The following TYW1B variants were observed in gnomAD, a reference collection of about 807,000 sequenced individuals.
The protein encoded by TYW1B is tRNA-yW synthesizing protein 1 homolog B, also known as S-adenosyl-L-methionine-dependent tRNA 4-demethylwyosine synthase TYW1B.
Under a neutral mutation model 86.9 loss-of-function variants are expected in TYW1B, and 73 were observed. The ratio of observed to expected loss-of-function variants is 0.84; its 90% CI spans 0.70 to 1.02. The LOEUF is 1.02. TYW1B is among the 50% of genes least tolerant of loss of function. The pLI is 0.00. For missense variants in TYW1B, 637 were observed against 827.4 expected, an observed-to-expected ratio of 0.77 and a Z score of 2.82; for synonymous variants, 248 against 292.8, an observed-to-expected ratio of 0.85 and a Z score of 1.56.
At chr7:72,606,753 C>G (rs1290269893) in intron 13 of TYW1B, among the ~76,000 whole-genome samples, 3 of 151,598 alleles carry the variant, frequency 2.0e-5, no homozygotes, top group Admixed American at 6.6e-5. Context: ...AACAAGGCAC[C>G]CTTCCTACAG....
intron 11 of TYW1B, among the ~76,000 whole-genome samples, chr7:72,660,963 A>C (rs1322656194): frequency 2.7e-5 from 4 of 150,842 alleles, no homozygotes; most frequent in Non-Finnish European, 4.4e-5. Flanking sequence ...ATGAAACCTC[A>C]TCTCTACTAA....
Position 72,788,225 on chromosome 7 carries a change from C to T in TYW1B, c.847-10692G>A, listed in dbSNP as rs147004583. On this transcript the variant is annotated intron_variant, in intron 6 of 13. Coordinates refer to ENST00000620995, the MANE Select transcript of TYW1B (RefSeq NM_001145440.3). ...CGATCTCCTGACCTCATGATCTGCC[C>T]ATCTCAGCCTCCCAAAGGATTGGGA... Among the ~76,000 whole-genome samples the T allele has an allele frequency of 1.3e-3, 198 of 152,072 alleles. 4 individuals carry two copies. In the East Asian group the frequency reaches 0.036, roughly 28 times the overall value.
At chr7:72,688,609 C>A (rs782010675) in intron 11 of TYW1B, among the ~76,000 whole-genome samples, 1 of 152,116 alleles carries the variant, frequency 6.6e-6, no homozygotes. Context: ...CTTTTGTTCC[C>A]GCAGGCTCCC....
chr7:72,768,834 C>T, intron 7 of TYW1B: 2 of 258,526 alleles, frequency 7.7e-6, no homozygotes, highest in South Asian at 1.0e-4. Flanking sequence ...GGATCCTGTG[C>T]CCTATATGAC....
chr7:72,644,648 G>A (rs3110839), intron 11 of TYW1B, among the ~76,000 whole-genome samples: 27,508 of 151,714 alleles, frequency 0.18, 3,008 homozygotes, highest in East Asian at 0.55. Context: ...GAACAGGGCA[G>A]GAAAGGATTC....
In TYW1B at chr7:72,707,552, T is replaced by C. The variant is rs180989274; in HGVS notation, c.1370+6069A>G. 1.2e-3 allele frequency among the ~76,000 whole-genome samples: 183 copies of C among 152,376 alleles called. 1 individual carries two copies. Among genetic ancestry groups the C allele is most frequent in the Non-Finnish European group, 2.1e-3 (140 of 68,024 alleles). Reference sequence around the variant, plus strand: ...CTAATCACCACCAGGCCTATTAACATGAAGTGTGTTACACATTCTTGTCAC... The same window carrying C: ...CTAATCACCACCAGGCCTATTAACACGAAGTGTGTTACACATTCTTGTCAC... On this transcript the variant is annotated intron_variant, in intron 10 of 13. Transcript: ENST00000620995.
intron 12 of TYW1B, among the ~76,000 whole-genome samples, chr7:72,621,356 T>C (rs1812210013): frequency 1.3e-5 from 2 of 152,194 alleles, no homozygotes; most frequent in African/African-American, 4.8e-5. Flanking sequence ...TAAAAATGCT[T>C]CAATAACTCC....
chr7:72,694,817 A>C lies in TYW1B; in HGVS notation c.1376T>G (p.Leu459Arg). The change falls in exon 11 of 14, where the codon CTC (leucine) becomes CGC (arginine). Residue 459 changes from leucine to arginine, a missense_variant. Coordinates refer to ENST00000620995, the MANE Select transcript of TYW1B (RefSeq NM_001145440.3). ...NAQFPAEIRN[L>R]EPVTQLYVSV... ...GACATACAGCTGAGTAACTGGCTCG[A>C]GGTTCCTTAGTAATTTTTTTTTTTA... is the stretch of plus-strand genomic sequence containing the variant. The C allele has an allele frequency of 1.9e-6, 3 of 1,581,218 alleles. No individual in the cohort carries two copies. The highest frequency in any genetic ancestry group is 2.6e-6 in the Non-Finnish European group (3 of 1,171,566).
intron 6 of TYW1B, among the ~76,000 whole-genome samples, chr7:72,801,471 T>C (rs1788402754): frequency 6.6e-6 from 1 of 152,192 alleles, no homozygotes; most frequent in African/African-American, 2.4e-5. Flanking sequence ...CATTGTGATA[T>C]CCTGCTAACC....
chr7:72,685,181 T>C (rs564730377), intron 11 of TYW1B, among the ~76,000 whole-genome samples: 25 of 150,660 alleles, frequency 1.7e-4, no homozygotes, highest in Middle Eastern at 3.5e-3. Context: ...GGAAGAAATA[T>C]AGTGTTCTTT....
At chr7:72,583,189 C>G (rs1554429843) in intron 13 of TYW1B, among the ~76,000 whole-genome samples, 1 of 152,048 alleles carries the variant, frequency 6.6e-6, no homozygotes, top group African/African-American at 2.4e-5. Flanking sequence ...AAGGTGAAAC[C>G]CCATCTCTAC....
chr7:72,679,248 A>G (rs1394685994), intron 11 of TYW1B, among the ~76,000 whole-genome samples: 2 of 152,228 alleles, frequency 1.3e-5, no homozygotes, highest in Non-Finnish European at 2.9e-5. Flanking sequence ...TTTAAGATGT[A>G]CATATCCTAT....
At chr7:72,731,540 T>C (rs1554459971) in intron 8 of TYW1B, among the ~76,000 whole-genome samples, 1 of 152,046 alleles carries the variant, frequency 6.6e-6, no homozygotes, top group Non-Finnish European at 1.5e-5. Context: ...GCTGAATGAA[T>C]TTAAAAAAAA....
chr7:72,705,572 T>C (rs1247400921), intron 10 of TYW1B, among the ~76,000 whole-genome samples: 2 of 152,180 alleles, frequency 1.3e-5, no homozygotes, highest in Non-Finnish European at 2.9e-5. Context: ...AAAAGAGCTA[T>C]GAGATTCTAA....
At chr7:72,737,867 T>G (rs1787225326) in intron 8 of TYW1B, among the ~76,000 whole-genome samples, 2 of 149,802 alleles carry the variant, frequency 1.3e-5, no homozygotes. Flanking sequence ...CTCCACCTCC[T>G]GGGTTCACAC....
intron 8 of TYW1B, among the ~76,000 whole-genome samples, chr7:72,742,816 A>T (rs182099210): frequency 2.6e-5 from 4 of 152,330 alleles, no homozygotes; most frequent in African/African-American, 9.6e-5. Context: ...AAAAAGAATT[A>T]TAACTCTTGT....
At chr7:72,725,909 C>T (rs1249531296) in intron 9 of TYW1B, among the ~76,000 whole-genome samples, 6 of 152,126 alleles carry the variant, frequency 3.9e-5, no homozygotes, top group Admixed American at 6.5e-5. Context: ...TACACATACA[C>T]GTACATACAC....
chr7:72,734,477 G>A lies in TYW1B; in HGVS notation c.1083-5546C>T, dbSNP rs114077212. On this transcript the variant is annotated intron_variant, in intron 8 of 13. Coordinates refer to ENST00000620995, the MANE Select transcript of TYW1B (RefSeq NM_001145440.3). Reference sequence around the variant, plus strand: ...CTCAAAACAGATTAACAACATACACGTAAAACCTGAAACTGTGAAATTACC... The same window carrying A: ...CTCAAAACAGATTAACAACATACACATAAAACCTGAAACTGTGAAATTACC... Among the ~76,000 whole-genome samples, 651 of 152,138 alleles carry A rather than the reference G, an allele frequency of 4.3e-3. 6 individuals carry two copies. Among genetic ancestry groups the A allele is most frequent in the African/African-American group, 0.015 (607 of 41,530 alleles).
chr7:72,719,118 T>C (rs1335532546), intron 9 of TYW1B, among the ~76,000 whole-genome samples: 1 of 152,132 alleles, frequency 6.6e-6, no homozygotes, highest in African/African-American at 2.4e-5. Flanking sequence ...CAAATATTTT[T>C]ATTTTGTGAA....
Sources: allele counts gnomAD v4.1 joint callset (sites outside exome capture counted in the v4.1 genomes callset), GRCh38; gene constraint gnomAD v4.1.1; transcripts MANE v1.5; gene names NCBI Gene and HGNC (gene_info 2026-07-23, HGNC 2026-07-21).